Variants in ZNF804B observed in about 807,000 individuals in gnomAD.
ZNF804B encodes zinc finger 804B.
ZNF804B carries 80 observed loss-of-function variants against 101.4 expected under a neutral mutation model. The observed-to-expected ratio is 0.79, with a 90% CI of 0.66 to 0.95. The LOEUF (loss-of-function observed/expected upper bound fraction) is 0.95, where lower values mean the gene tolerates loss of function less well. Ranked by LOEUF, ZNF804B falls within the 40% of genes least tolerant of loss-of-function variation. ZNF804B has a pLI of 0.00. For missense variants in ZNF804B, 1,673 were observed against 1,561.9 expected, an observed-to-expected ratio of 1.07 and a Z score of -1.20; for synonymous variants, 622 against 558.8, an observed-to-expected ratio of 1.11 and a Z score of -1.59.
In ZNF804B at chr7:89,156,158, G is replaced by C. The variant is rs1790971899; in HGVS notation, c.109-61997G>C. ...CATGGAGTTTCACTCTTGTTGCCCA[G>C]GCTGGAGTGCAGTGGCACAATCTTG... is the stretch of plus-strand genomic sequence containing the variant. On this transcript the variant is annotated intron_variant, in intron 1 of 3. Coordinates refer to ENST00000333190, the MANE Select transcript of ZNF804B (RefSeq NM_181646.5). Among the ~76,000 whole-genome samples the C allele has an allele frequency of 1.3e-5, 2 of 150,730 alleles. 1 individual carries two copies. The highest frequency in any genetic ancestry group is 4.9e-5 in the African/African-American group (2 of 40,850).
intron 1 of ZNF804B, among the ~76,000 whole-genome samples, chr7:89,033,765 A>T (rs904370356): frequency 7.1e-6 from 1 of 141,550 alleles, no homozygotes; most frequent in African/African-American, 3.2e-5. Flanking sequence ...TCTAAAAACT[A>T]ATTAGGGTTA....
intron 2 of ZNF804B, among the ~76,000 whole-genome samples, chr7:89,260,842 T>C: frequency 6.6e-6 from 1 of 152,186 alleles, no homozygotes; most frequent in East Asian, 1.9e-4. Flanking sequence ...CAATTCAACT[T>C]TTTCTTGCAA....
intron 1 of ZNF804B, among the ~76,000 whole-genome samples, chr7:89,192,218 T>C (rs1458567414): frequency 2.0e-5 from 3 of 152,112 alleles, no homozygotes; most frequent in African/African-American, 7.2e-5. Context: ...GTTTAATGTA[T>C]CTATCACCCT....
At chr7:89,043,381 C>T (rs1789048839) in intron 1 of ZNF804B, among the ~76,000 whole-genome samples, 1 of 152,182 alleles carries the variant, frequency 6.6e-6, no homozygotes, top group Non-Finnish European at 1.5e-5. Flanking sequence ...TATTGCTGCA[C>T]ATAATTAACC....
At chr7:89,082,113 C>T (rs1221662478) in intron 1 of ZNF804B, among the ~76,000 whole-genome samples, 2 of 151,626 alleles carry the variant, frequency 1.3e-5, no homozygotes, top group African/African-American at 2.4e-5. Context: ...AAATATTACC[C>T]AACTTTGTGT....
intron 1 of ZNF804B, among the ~76,000 whole-genome samples, chr7:89,141,026 T>G (rs1159533857): frequency 6.6e-6 from 1 of 151,980 alleles, no homozygotes; most frequent in Non-Finnish European, 1.5e-5. Context: ...TTGGCCTAAT[T>G]TCAATATTGT....
intron 1 of ZNF804B, among the ~76,000 whole-genome samples, chr7:89,124,737 G>A (rs898099335): frequency 5.3e-5 from 8 of 152,124 alleles, no homozygotes; most frequent in African/African-American, 1.7e-4. Context: ...TGTAGGTAAA[G>A]GTCAATAGAG....
chr7:89,278,444 G>A (rs547808413), intron 2 of ZNF804B, among the ~76,000 whole-genome samples: 3 of 150,644 alleles, frequency 2.0e-5, no homozygotes, highest in African/African-American at 4.9e-5. Context: ...GTCCTGAATG[G>A]TAATGCCTAG....
intron 1 of ZNF804B, among the ~76,000 whole-genome samples, chr7:89,208,186 G>A (rs1035273926): frequency 2.0e-5 from 3 of 150,102 alleles, no homozygotes; most frequent in Non-Finnish European, 3.0e-5. Context: ...GGTTCATGCC[G>A]TTCTCCTGCC....
At chr7:88,900,568 T>G (rs531988442) in intron 1 of ZNF804B, among the ~76,000 whole-genome samples, 8 of 146,774 alleles carry the variant, frequency 5.5e-5, no homozygotes, top group Admixed American at 4.9e-4. Context: ...ATCTAGTATG[T>G]GTCAGGCACT....
chr7:89,209,926 A>G (rs1382909603), intron 1 of ZNF804B, among the ~76,000 whole-genome samples: 1 of 152,154 alleles, frequency 6.6e-6, no homozygotes, highest in Non-Finnish European at 1.5e-5. Context: ...AGGCAGGTGG[A>G]TCACCTGAGG....
intron 1 of ZNF804B, among the ~76,000 whole-genome samples, chr7:89,212,549 C>G (rs1225031432): frequency 6.6e-6 from 1 of 152,066 alleles, no homozygotes; most frequent in Non-Finnish European, 1.5e-5. Flanking sequence ...AAGAAGTACG[C>G]AGTGAAAGGT....
chr7:89,332,599 CTT>C (rs1791003718), intron 3 of ZNF804B, among the ~76,000 whole-genome samples: 1 of 151,794 alleles, frequency 6.6e-6, no homozygotes, highest in Non-Finnish European at 1.5e-5. Flanking sequence ...AATTTTATCT[CTT>C]ATATATGTTG....
intron 2 of ZNF804B, among the ~76,000 whole-genome samples, chr7:89,278,882 G>A (rs933414505): frequency 2.0e-5 from 3 of 152,006 alleles, no homozygotes; most frequent in African/African-American, 7.3e-5. Flanking sequence ...TTCCAATTCT[G>A]TGAAGAAAGT....
intron 1 of ZNF804B, among the ~76,000 whole-genome samples, chr7:88,774,921 G>A (rs1204074050): frequency 6.6e-6 from 1 of 152,154 alleles, no homozygotes; most frequent in African/African-American, 2.4e-5. Flanking sequence ...AAGCTCTCAG[G>A]GGGATTATGG....
intron 1 of ZNF804B, among the ~76,000 whole-genome samples, chr7:88,922,977 TAAGTA>T (rs1792743334): frequency 6.6e-6 from 1 of 152,112 alleles, no homozygotes; most frequent in Non-Finnish European, 1.5e-5. Flanking sequence ...TTCTGCTAAT[TAAGTA>T]ATTATTGAAG....
At chr7:88,835,253 A>G (rs2115792257) in intron 1 of ZNF804B, among the ~76,000 whole-genome samples, 1 of 151,910 alleles carries the variant, frequency 6.6e-6, no homozygotes, top group Non-Finnish European at 1.5e-5. Flanking sequence ...TGTTGCTGAA[A>G]GCTTCTGAAG....
At chr7:88,854,064 T>G (rs1791490829) in intron 1 of ZNF804B, among the ~76,000 whole-genome samples, 1 of 152,206 alleles carries the variant, frequency 6.6e-6, no homozygotes, top group Non-Finnish European at 1.5e-5. Flanking sequence ...TAACTAAATG[T>G]GAAAATTAAC....
intron 2 of ZNF804B, among the ~76,000 whole-genome samples, chr7:89,269,105 G>A (rs1232682104): frequency 6.6e-6 from 1 of 151,918 alleles, no homozygotes; most frequent in Non-Finnish European, 1.5e-5. Context: ...GGGTACATGT[G>A]CACAACATGC....
Sources: gnomAD v4.1 joint callset for allele counts (sites outside exome capture counted in the v4.1 genomes callset) on GRCh38, gnomAD v4.1.1 for gene constraint, MANE v1.5 for transcripts, NCBI Gene and HGNC (gene_info 2026-07-23, HGNC 2026-07-21) for gene names.